The following NELL2 variants were observed in gnomAD, a reference collection of about 807,000 sequenced individuals.
NELL2 encodes the protein protein kinase C-binding protein NELL2.
In NELL2, 41 loss-of-function variants were observed where a neutral mutation model predicts 109.6. The ratio of observed to expected loss-of-function variants is 0.37; its 90% CI spans 0.29 to 0.49. The LOEUF (loss-of-function observed/expected upper bound fraction) is 0.49, where lower values mean the gene tolerates loss of function less well. Ranked by LOEUF, NELL2 falls within the 20% of genes least tolerant of loss-of-function variation. The pLI is 0.98. For synonymous variants in NELL2, 355 were observed against 344.7 expected, an observed-to-expected ratio of 1.03 and a Z score of -0.33; for missense variants, 900 against 1,008.3, an observed-to-expected ratio of 0.89 and a Z score of 1.45.
chr12:44,532,264 T>G (rs548540156), intron 16 of NELL2, among the ~76,000 whole-genome samples: 1 of 152,302 alleles, frequency 6.6e-6, no homozygotes, highest in African/African-American at 2.4e-5. Flanking sequence ...TACCTGTTTT[T>G]GGATCAGATG....
intron 13 of NELL2, among the ~76,000 whole-genome samples, chr12:44,629,797 C>T (rs1946386195): frequency 6.6e-6 from 1 of 152,190 alleles, no homozygotes; most frequent in South Asian, 2.1e-4. Flanking sequence ...TTTGCCAACA[C>T]TGTCATAAAT....
At chr12:44,883,473 C>T (rs528161246) in intron 1 of NELL2, among the ~76,000 whole-genome samples, 1 of 151,934 alleles carries the variant, frequency 6.6e-6, no homozygotes, top group Non-Finnish European at 1.5e-5. Flanking sequence ...ATAGTCTCCC[C>T]ATCTGAAGAC....
intron 2 of NELL2, among the ~76,000 whole-genome samples, chr12:44,836,006 T>A (rs1302889472): frequency 6.6e-6 from 1 of 152,038 alleles, no homozygotes; most frequent in Non-Finnish European, 1.5e-5. Flanking sequence ...TGCTAGGGCA[T>A]AAGGTATGTG....
At chr12:44,546,299 C>A (rs1469285664) in intron 15 of NELL2, among the ~76,000 whole-genome samples, 1 of 151,410 alleles carries the variant, frequency 6.6e-6, no homozygotes, top group Non-Finnish European at 1.5e-5. Context: ...TGGGTCTTAA[C>A]CAGAAAATTC....
chr12:44,864,254 A>G (rs1039135933), intron 2 of NELL2, among the ~76,000 whole-genome samples: 1 of 152,192 alleles, frequency 6.6e-6, no homozygotes, highest in African/African-American at 2.4e-5. Context: ...AAATCCTGCT[A>G]TCAAAAGACA....
At chr12:44,737,051 T>C (rs944639602) in intron 9 of NELL2, among the ~76,000 whole-genome samples, 1 of 152,094 alleles carries the variant, frequency 6.6e-6, no homozygotes, top group African/African-American at 2.4e-5. Context: ...TTTTAGATAT[T>C]GAAATTTTAT....
At chr12:44,843,634 G>A (rs1944289950) in intron 2 of NELL2, among the ~76,000 whole-genome samples, 1 of 152,196 alleles carries the variant, frequency 6.6e-6, no homozygotes, top group South Asian at 2.1e-4. Context: ...ATAAAAGACT[G>A]AAATTTGTTT....
chr12:44,876,310 G>C lies in NELL2; in HGVS notation c.-441C>G. ...CGCCCGAACCTGTTGTAAAGGCAGAGACAATGGAGAAAGCTCCGGGAGACG... is the reference window on the plus strand; with the variant it reads ...CGCCCGAACCTGTTGTAAAGGCAGACACAATGGAGAAAGCTCCGGGAGACG... On this transcript the variant is annotated 5_prime_UTR_variant, in exon 1 of 20. Transcript: ENST00000429094. 1.7e-6 allele frequency: 2 copies of C among 1,171,688 alleles called. No homozygotes were observed. Among genetic ancestry groups the C allele is most frequent in the Admixed American group, 8.2e-5 (2 of 24,454 alleles). 72.6% of individuals were successfully genotyped at this position (1,171,688 alleles called of 1,614,324 possible). A position where few individuals can be genotyped will look rare whatever the true frequency, so the allele number is the denominator to read the frequency against.
intron 15 of NELL2, among the ~76,000 whole-genome samples, chr12:44,557,657 T>C (rs1224062490): frequency 2.6e-5 from 4 of 152,180 alleles, no homozygotes; most frequent in African/African-American, 9.7e-5. Context: ...GGTAAATATG[T>C]TGAATTGGCT....
chr12:44,658,960 G>A (rs997105304), intron 13 of NELL2, among the ~76,000 whole-genome samples: 40 of 151,618 alleles, frequency 2.6e-4, no homozygotes, highest in African/African-American at 9.0e-4. Flanking sequence ...ATACTACAAG[G>A]CTACAGTAAC....
intron 12 of NELL2, among the ~76,000 whole-genome samples, chr12:44,672,141 T>A (rs1447603892): frequency 1.4e-4 from 22 of 152,134 alleles, no homozygotes; most frequent in Admixed American, 1.4e-3. Flanking sequence ...GTTAATTACA[T>A]TAGGCAACAT....
chr12:44,577,479 T>G (rs1467780844), intron 15 of NELL2, among the ~76,000 whole-genome samples: 10 of 132,640 alleles, frequency 7.5e-5, no homozygotes, highest in Admixed American at 2.9e-4. Flanking sequence ...TTTTTTTTTT[T>G]TTTTTTTTTT....
intron 13 of NELL2, among the ~76,000 whole-genome samples, chr12:44,637,882 G>C (rs1029599469): frequency 1.3e-5 from 2 of 151,906 alleles, no homozygotes; most frequent in African/African-American, 4.8e-5. Context: ...TATAATACTA[G>C]TCTTGTCCAG....
chr12:44,807,177 C>T (rs1198772962), intron 3 of NELL2, among the ~76,000 whole-genome samples: 1 of 151,612 alleles, frequency 6.6e-6, no homozygotes, highest in Non-Finnish European at 1.5e-5. Context: ...CAAAAATCCT[C>T]TTAAAGAAAA....
chr12:44,828,941 A>G (rs142018905), intron 2 of NELL2, among the ~76,000 whole-genome samples: 161 of 152,188 alleles, frequency 1.1e-3, no homozygotes, highest in African/African-American at 3.6e-3. Flanking sequence ...GATTTAGTTC[A>G]CTGCTATAAT....
At chr12:44,855,068 AT>A (rs1944644727) in intron 2 of NELL2, among the ~76,000 whole-genome samples, 1 of 152,336 alleles carries the variant, frequency 6.6e-6, no homozygotes, top group East Asian at 1.9e-4. Context: ...ACATAAAAAT[AT>A]TAATGAGATT....
intron 13 of NELL2, among the ~76,000 whole-genome samples, chr12:44,633,817 GAAA>G (rs1372636481): frequency 2.6e-5 from 4 of 151,990 alleles, no homozygotes; most frequent in African/African-American, 9.7e-5. Context: ...ACATATTTTG[GAAA>G]ATGTGTTCAG....
chr12:44,608,111 G>C (rs2136247582), intron 14 of NELL2, among the ~76,000 whole-genome samples: 1 of 152,182 alleles, frequency 6.6e-6, no homozygotes, highest in Non-Finnish European at 1.5e-5. Flanking sequence ...TTTCCACTTT[G>C]GCTTATTCTT....
At chr12:44,580,970 A>G (rs1944300730) in intron 15 of NELL2, among the ~76,000 whole-genome samples, 1 of 152,240 alleles carries the variant, frequency 6.6e-6, no homozygotes, top group Admixed American at 6.5e-5. Flanking sequence ...AATAGTCAAT[A>G]AAGTAAAACA....
Sources: allele counts gnomAD v4.1 joint callset (sites outside exome capture counted in the v4.1 genomes callset), GRCh38; gene constraint gnomAD v4.1.1; transcripts MANE v1.5; gene names NCBI Gene and HGNC (gene_info 2026-07-23, HGNC 2026-07-21).